PARVB: variants seen among roughly 807,000 people sequenced by gnomAD.
PARVB encodes the protein beta-parvin.
PARVB carries 46 observed loss-of-function variants against 47.0 expected under a neutral mutation model. The observed-to-expected ratio is 0.98, with a 90% confidence interval of 0.77 to 1.25. The LOEUF (loss-of-function observed/expected upper bound fraction) is 1.25. PARVB is among the 50% of genes most tolerant of loss of function. The probability of loss-of-function intolerance (pLI) is 0.00; values close to 1 mark genes in which losing one functional copy is unlikely to be tolerated. For synonymous variants in PARVB, 196 were observed against 196.3 expected (o/e 1.00, Z 0.01); for missense variants, 473 against 471.6 (o/e 1.00, Z -0.03).
intron 1 of PARVB, among the ~76,000 whole-genome samples, chr22:44,057,149 C>T (rs550911143): frequency 1.3e-5 from 2 of 151,852 alleles, no homozygotes; most frequent in East Asian, 1.9e-4. Context: ...AGAAGCGTGT[C>T]GTTCCATTTG....
intron 1 of PARVB, among the ~76,000 whole-genome samples, chr22:44,067,212 C>T (rs982524374): frequency 6.6e-6 from 1 of 152,188 alleles, no homozygotes; most frequent in South Asian, 2.1e-4. Flanking sequence ...TGTGAAATCC[C>T]CTTGCCTGGC....
In PARVB at chr22:44,066,792, C is replaced by CCTT. The variant is rs1340924191; in HGVS notation, c.113-27134_113-27133insTCT. On this transcript the variant is annotated intron_variant, in intron 1 of 12. Coordinates refer to ENST00000338758, the MANE Select transcript of PARVB (RefSeq NM_013327.5). ...TCCCTTAATTATTTCTCCTCCTCCTCCTCCTCCTCCTCCTCCTCCTCCTCC... is the reference window on the plus strand; with the variant it reads ...TCCCTTAATTATTTCTCCTCCTCCTCCTTCTCCTCCTCCTCCTCCTCCTCCTCC... 4.0e-4 allele frequency among the ~76,000 whole-genome samples: 57 copies of CCTT among 141,416 alleles called. 1 individual carries two copies. Among genetic ancestry groups the CCTT allele is most frequent in the African/African-American group, 8.1e-4 (30 of 37,048 alleles). 92.8% of individuals were successfully genotyped at this position (141,416 alleles called of 152,430 possible).
intron 2 of PARVB, among the ~76,000 whole-genome samples, chr22:44,005,005 T>G (rs1232456446): frequency 6.6e-6 from 1 of 152,238 alleles, no homozygotes; most frequent in Admixed American, 6.5e-5. Flanking sequence ...ACCGACCTGC[T>G]TATGAGCCTT....
chr22:44,028,516 T>C (rs1293077371), intron 1 of PARVB, among the ~76,000 whole-genome samples: 1 of 152,200 alleles, frequency 6.6e-6, no homozygotes, highest in Non-Finnish European at 1.5e-5. Context: ...AATATTCCGT[T>C]GTCTGGATGT....
intron 3 of PARVB, among the ~76,000 whole-genome samples, chr22:44,101,640 A>G (rs904400486): frequency 1.3e-5 from 2 of 150,412 alleles, no homozygotes; most frequent in Non-Finnish European, 3.0e-5. Flanking sequence ...AATCCTACCT[A>G]CTCGGGAGGC....
At chr22:44,053,928 C>A (rs916057024) in intron 1 of PARVB, among the ~76,000 whole-genome samples, 1 of 152,208 alleles carries the variant, frequency 6.6e-6, no homozygotes, top group Non-Finnish European at 1.5e-5. Flanking sequence ...AGCATCCAGT[C>A]TCTGGAAGCT....
intron 1 of PARVB, among the ~76,000 whole-genome samples, chr22:44,064,296 C>T (rs1326882011): frequency 1.3e-5 from 2 of 152,242 alleles, no homozygotes; most frequent in East Asian, 1.9e-4. Flanking sequence ...TTCCTTTCCA[C>T]GTGTTTTGTG....
chr22:44,081,926 C>T (rs1320825673), intron 1 of PARVB, among the ~76,000 whole-genome samples: 1 of 152,206 alleles, frequency 6.6e-6, no homozygotes, highest in African/African-American at 2.4e-5. Flanking sequence ...GAAGTACCCC[C>T]TGAAAGCCAG....
Position 44,100,910 on chromosome 22 carries a change from A to G in PARVB, c.273+787A>G, listed in dbSNP as rs548049699. Among the ~76,000 whole-genome samples the G allele has an allele frequency of 4.9e-4, 74 of 152,248 alleles. No homozygotes were observed. The South Asian group carries it at 6.2e-3, about 13-fold the overall frequency. ...GGCAGACACTTGGCTTCCATAGCCC[A>G]CGGCGAGCTTGGGCACCCCGGGATT... On this transcript the variant is annotated intron_variant, in intron 3 of 12. Transcript: ENST00000338758.
chr22:44,117,371 G>A (rs2052932071), intron 3 of PARVB, among the ~76,000 whole-genome samples: 1 of 151,950 alleles, frequency 6.6e-6, no homozygotes, highest in African/African-American at 2.4e-5. Context: ...GTGAGTGTGG[G>A]GGTCTGTGGG....
At chr22:44,007,688 C>A (rs1479645863) in intron 2 of PARVB, among the ~76,000 whole-genome samples, 1 of 152,096 alleles carries the variant, frequency 6.6e-6, no homozygotes, top group Non-Finnish European at 1.5e-5. Flanking sequence ...TGGTAAAATG[C>A]ACATAAAATG....
chr22:44,011,915 C>T (rs949174836), intron 2 of PARVB, among the ~76,000 whole-genome samples: 3 of 152,166 alleles, frequency 2.0e-5, no homozygotes, highest in Admixed American at 1.3e-4. Context: ...AAAATAAAAA[C>T]CTTTCATTTT....
chr22:44,018,495 C>T (rs1393423704), intron 2 of PARVB, among the ~76,000 whole-genome samples: 2 of 152,158 alleles, frequency 1.3e-5, no homozygotes, highest in African/African-American at 4.8e-5. Context: ...TGAGTAAGAA[C>T]CCTCTGAGAT....
chr22:44,114,890 A>G (rs1250390172), intron 3 of PARVB: 3 of 127,776 alleles, frequency 2.3e-5, no homozygotes, highest in South Asian at 2.6e-4. Flanking sequence ...CAACACAGAT[A>G]CATTGTTACT....
intron 1 of PARVB, among the ~76,000 whole-genome samples, chr22:44,050,084 G>T (rs1017049658): frequency 6.6e-6 from 1 of 152,184 alleles, no homozygotes; most frequent in Non-Finnish European, 1.5e-5. Context: ...TCCTGCCTCA[G>T]ATGAACGGGC....
chr22:44,073,071 A>G (rs1272942117), intron 1 of PARVB, among the ~76,000 whole-genome samples: 1 of 152,232 alleles, frequency 6.6e-6, no homozygotes, highest in African/African-American at 2.4e-5. Flanking sequence ...AGGCCTGACC[A>G]TAGTGGATGT....
At chr22:44,085,094 A>G (rs1224425541) in intron 1 of PARVB, among the ~76,000 whole-genome samples, 1 of 152,162 alleles carries the variant, frequency 6.6e-6, no homozygotes, top group Non-Finnish European at 1.5e-5. Context: ...TACACATAGA[A>G]ATACATAGTG....
chr22:44,046,930 T>G (rs908108209), intron 1 of PARVB, among the ~76,000 whole-genome samples: 1 of 151,892 alleles, frequency 6.6e-6, no homozygotes, highest in African/African-American at 2.4e-5. Context: ...GGGGCGTGCA[T>G]GCAGAGTTGA....
rs140569537 is a variant in PARVB, at chr22:44,128,083, G to A, written c.377-3404G>A. Among the ~76,000 whole-genome samples, 95 of 152,262 alleles carry A rather than the reference G, an allele frequency of 6.2e-4. 1 individual carries two copies. The highest frequency in any genetic ancestry group is 4.3e-3 in the East Asian group (22 of 5,160). ...CAGGGATGAGCCACTACACCCAGCC[G>A]AATCCCTCTTCTTGAGAGAAGATTC... On this transcript the variant is annotated intron_variant, in intron 4 of 12. Transcript: ENST00000338758.
Sources: gnomAD v4.1 joint callset for allele counts (sites outside exome capture counted in the v4.1 genomes callset) on GRCh38, gnomAD v4.1.1 for gene constraint, MANE v1.5 for transcripts, NCBI Gene and HGNC (gene_info 2026-07-23, HGNC 2026-07-21) for gene names.